The following PCDH9 variants were observed in gnomAD, a reference collection of about 807,000 sequenced individuals.
PCDH9 encodes the protein protocadherin-9.
PCDH9 carries 24 observed loss-of-function variants against 70.6 expected under a neutral mutation model. That is an observed-to-expected ratio of 0.34 (90% CI 0.25 to 0.48). PCDH9 has a LOEUF of 0.48. Ranked by LOEUF, PCDH9 falls within the 20% of genes least tolerant of loss-of-function variation. The pLI is 0.99. For missense variants in PCDH9, 1,281 were observed against 1,503.6 expected, an observed-to-expected ratio of 0.85 and a Z score of 2.45; for synonymous variants, 562 against 558.5, an observed-to-expected ratio of 1.01 and a Z score of -0.09.
intron 2 of PCDH9, among the ~76,000 whole-genome samples, chr13:67,199,462 T>C (rs1412338655): frequency 1.3e-5 from 2 of 151,978 alleles, no homozygotes; most frequent in African/African-American, 2.4e-5. Context: ...TCCAATTTAA[T>C]AGCAAAATAC....
chr13:66,447,118 T>A (rs905369811), intron 4 of PCDH9, among the ~76,000 whole-genome samples: 8 of 152,066 alleles, frequency 5.3e-5, no homozygotes, highest in Non-Finnish European at 7.4e-5. Context: ...AATGCATACT[T>A]CTCTATTTAC....
chr13:66,595,307 T>G (rs1353242920), intron 4 of PCDH9, among the ~76,000 whole-genome samples: 1 of 151,758 alleles, frequency 6.6e-6, no homozygotes, highest in Non-Finnish European at 1.5e-5. Context: ...TGTGTTTATC[T>G]TCTGGACAAA....
At chr13:66,648,918 A>T (rs914003699) in intron 3 of PCDH9, among the ~76,000 whole-genome samples, 1 of 152,134 alleles carries the variant, frequency 6.6e-6, no homozygotes, top group Non-Finnish European at 1.5e-5. Flanking sequence ...TGCAATTGAC[A>T]TACTAAACAA....
intron 4 of PCDH9, among the ~76,000 whole-genome samples, chr13:66,588,694 A>G (rs2076997359): frequency 6.6e-6 from 1 of 151,926 alleles, no homozygotes. Flanking sequence ...AAAATTCCTG[A>G]GGATTACATT....
intron 4 of PCDH9, among the ~76,000 whole-genome samples, chr13:66,487,997 T>C (rs370308232): frequency 6.6e-6 from 1 of 152,242 alleles, no homozygotes; most frequent in East Asian, 1.9e-4. Flanking sequence ...GGATGAGACA[T>C]ATAGAGTAGA....
At chr13:67,186,728 T>A (rs529671105) in intron 2 of PCDH9, among the ~76,000 whole-genome samples, 2 of 152,324 alleles carry the variant, frequency 1.3e-5, no homozygotes, top group Non-Finnish European at 2.9e-5. Flanking sequence ...CTCTTTTGAA[T>A]CTAACAAATT....
chr13:66,631,259 G>A lies in PCDH9; in HGVS notation c.3291C>T (p.Ala1097=). 2 of 1,611,222 alleles carry A rather than the reference G, an allele frequency of 1.2e-6. No homozygotes were observed. Among genetic ancestry groups the A allele is most frequent in the East Asian group, 2.2e-5 (1 of 44,860 alleles). Residue 1097 remains alanine (A), a synonymous_variant, in exon 4 of 5, where the codon GCC becomes GCT. Coordinates refer to ENST00000377865, the MANE Select transcript of PCDH9 (RefSeq NM_203487.3). ...VQPQDEFYDQ[A]SPDKRTEADG... ...CTGCTTCAGTCCTCTTGTCCGGAGA[G>A]GCCTGGTCATAGAATTCGTCCTGTG...
intron 4 of PCDH9, among the ~76,000 whole-genome samples, chr13:66,608,784 A>G (rs1234072656): frequency 6.6e-6 from 1 of 152,156 alleles, no homozygotes. Flanking sequence ...AAAGAGAGAG[A>G]GCAACAGTTC....
chr13:66,622,452 AG>A (rs2077436490), intron 4 of PCDH9, among the ~76,000 whole-genome samples: 1 of 152,160 alleles, frequency 6.6e-6, no homozygotes, highest in African/African-American at 2.4e-5. Context: ...TGTCTAGCTC[AG>A]GGATTGTAAA....
intron 3 of PCDH9, among the ~76,000 whole-genome samples, chr13:66,840,159 T>C (rs912703338): frequency 2.0e-5 from 3 of 152,102 alleles, no homozygotes; most frequent in African/African-American, 7.2e-5. Context: ...CAAAAGTCTG[T>C]TAAACAATAT....
chr13:66,663,649 T>C (rs527645525), intron 3 of PCDH9, among the ~76,000 whole-genome samples: 1 of 152,344 alleles, frequency 6.6e-6, no homozygotes, highest in East Asian at 1.9e-4. Flanking sequence ...TCCTGACACA[T>C]GAACCAGACG....
chr13:66,543,683 G>A (rs775546150), intron 4 of PCDH9, among the ~76,000 whole-genome samples: 1 of 151,976 alleles, frequency 6.6e-6, no homozygotes, highest in East Asian at 1.9e-4. Context: ...ATACAGAAAA[G>A]TCAATTGAAT....
chr13:67,037,457 G>C (rs1159410356), intron 2 of PCDH9, among the ~76,000 whole-genome samples: 2 of 152,066 alleles, frequency 1.3e-5, no homozygotes, highest in African/African-American at 4.8e-5. Context: ...TATTTTAAAG[G>C]ATTTTTTGTT....
In PCDH9 at chr13:67,007,714, C is replaced by G. The variant is rs2084379712; in HGVS notation, c.3037-104109G>C. Among the ~76,000 whole-genome samples the G allele has an allele frequency of 2.6e-5, 4 of 152,242 alleles. No individual in the cohort carries two copies. In the South Asian group the frequency reaches 8.3e-4, roughly 32 times the overall value. ...TAATGTCCACTTTTGTTTCCGTGTT[C>G]CTCATTTTGACAAGTGCTGATCAAC... On this transcript the variant is annotated intron_variant, in intron 2 of 4. Coordinates refer to ENST00000377865, the MANE Select transcript of PCDH9 (RefSeq NM_203487.3).
At chr13:66,989,401 T>C (rs1594357424) in intron 2 of PCDH9, among the ~76,000 whole-genome samples, 1 of 151,942 alleles carries the variant, frequency 6.6e-6, no homozygotes, top group Admixed American at 6.6e-5. Flanking sequence ...AGCCATTAAA[T>C]GTACTAAAAT....
At chr13:67,142,856 A>AAT (rs1555311881) in intron 2 of PCDH9, among the ~76,000 whole-genome samples, 1 of 151,268 alleles carries the variant, frequency 6.6e-6, no homozygotes, top group Admixed American at 6.6e-5. Flanking sequence ...AAAAAAAAAA[A>AAT]AAAATAGCTG....
chr13:67,062,340 C>T (rs1030193714), intron 2 of PCDH9, among the ~76,000 whole-genome samples: 2 of 152,164 alleles, frequency 1.3e-5, no homozygotes, highest in Non-Finnish European at 2.9e-5. Context: ...TCTGAATGGG[C>T]ACAAGCATGC....
intron 2 of PCDH9, among the ~76,000 whole-genome samples, chr13:67,008,776 C>A (rs1221909277): frequency 6.6e-6 from 1 of 152,014 alleles, no homozygotes; most frequent in Non-Finnish European, 1.5e-5. Flanking sequence ...TCATTGTATA[C>A]CTATCAATGT....
At chr13:66,675,931 T>C (rs568576363) in intron 3 of PCDH9, among the ~76,000 whole-genome samples, 1 of 152,242 alleles carries the variant, frequency 6.6e-6, no homozygotes, top group East Asian at 1.9e-4. Context: ...GTCTCTACTT[T>C]TATTATTCTG....
Sources: allele counts gnomAD v4.1 joint callset (sites outside exome capture counted in the v4.1 genomes callset), GRCh38; gene constraint gnomAD v4.1.1; transcripts MANE v1.5; gene names NCBI Gene and HGNC (gene_info 2026-07-23, HGNC 2026-07-21).